FKBP5: variants seen among roughly 807,000 people sequenced by gnomAD.
The protein encoded by FKBP5 is FKBP prolyl isomerase 5, also known as peptidyl-prolyl cis-trans isomerase FKBP5.
In FKBP5, 23 loss-of-function variants were observed where a neutral mutation model predicts 50.5. The ratio of observed to expected loss-of-function variants is 0.46; its 90% confidence interval spans 0.33 to 0.65. The LOEUF (loss-of-function observed/expected upper bound fraction) is 0.65. Ranked by LOEUF, FKBP5 falls within the 30% of genes least tolerant of loss-of-function variation. The pLI, the probability that FKBP5 is intolerant of heterozygous loss-of-function variation, is 0.02. For missense variants in FKBP5, 411 were observed against 553.1 expected, an observed-to-expected ratio of 0.74 and a Z score of 2.58; for synonymous variants, 176 against 190.6, an observed-to-expected ratio of 0.92 and a Z score of 0.63.
chr6:35,586,711 C>A (rs1461158605), intron 8 of FKBP5: 1 of 1,153,576 alleles, frequency 8.7e-7, no homozygotes, highest in Non-Finnish European at 1.1e-6. Context: ...TCCAAAAACA[C>A]TTGTTGAGTG....
chr6:35,617,322 T>C (rs12527893), intron 5 of FKBP5, among the ~76,000 whole-genome samples: 9,795 of 146,204 alleles, frequency 0.067, 465 homozygotes, highest in Admixed American at 0.12. Context: ...AACTCTTTAC[T>C]TTTTTTTTTT....
chr6:35,663,778 A>T (rs1765139963), intron 1 of FKBP5, among the ~76,000 whole-genome samples: 1 of 152,156 alleles, frequency 6.6e-6, no homozygotes, highest in South Asian at 2.1e-4. Context: ...CTGTTACCGG[A>T]AATAAAAGAG....
At chr6:35,710,132 G>C (rs1766388245) in intron 2 of FKBP5, among the ~76,000 whole-genome samples, 1 of 152,152 alleles carries the variant, frequency 6.6e-6, no homozygotes, top group South Asian at 2.1e-4. Flanking sequence ...AGAAAAGGTA[G>C]CAGGGCAGCA....
chr6:35,722,872 C>T (rs570255835), intron 1 of FKBP5, among the ~76,000 whole-genome samples: 2 of 152,348 alleles, frequency 1.3e-5, no homozygotes, highest in South Asian at 2.1e-4. Context: ...AGGAGGGCAG[C>T]GACCAGGTTT....
chr6:35,705,276 T>A lies in FKBP5; in HGVS notation c.-20+15052A>T, dbSNP rs1198399975. On this transcript the variant is annotated intron_variant, in intron 2 of 11. Transcript: ENST00000536438. ...TATATATATTTTTTTTTTTTTTTTT[T>A]TTTTTTTGGAGACAGTGTCTCACTC... 3.4e-4 allele frequency among the ~76,000 whole-genome samples: 6 copies of A among 17,686 alleles called. No individual in the cohort carries two copies. In the African/African-American group the frequency reaches 3.5e-3, roughly 10 times the overall value. 11.6% of individuals were successfully genotyped at this position (17,686 alleles called of 152,430 possible).
At chr6:35,597,883 C>T (rs1304134301) in intron 5 of FKBP5, among the ~76,000 whole-genome samples, 1 of 152,148 alleles carries the variant, frequency 6.6e-6, no homozygotes, top group Non-Finnish European at 1.5e-5. Flanking sequence ...TACAGATGCT[C>T]CTTCTTCTTT....
At chr6:35,699,879 T>A (rs1345948229) in intron 2 of FKBP5, among the ~76,000 whole-genome samples, 1 of 152,078 alleles carries the variant, frequency 6.6e-6, no homozygotes, top group Non-Finnish European at 1.5e-5. Flanking sequence ...AAACCCTATC[T>A]CTACTAAAAA....
intron 1 of FKBP5, among the ~76,000 whole-genome samples, chr6:35,666,690 AC>A (rs937911423): frequency 2.6e-5 from 4 of 152,214 alleles, no homozygotes; most frequent in African/African-American, 9.6e-5. Flanking sequence ...AGAGATCAAG[AC>A]CATCCTGGCC....
intron 5 of FKBP5, among the ~76,000 whole-genome samples, chr6:35,615,334 CCTTTCT>C (rs1763618427): frequency 1.3e-5 from 2 of 152,030 alleles, no homozygotes; most frequent in South Asian, 4.1e-4. Context: ...TTTCTAAATG[CCTTTCT>C]CCAATAAAAG....
chr6:35,658,409 C>G (rs952484529), intron 1 of FKBP5, among the ~76,000 whole-genome samples: 2 of 150,362 alleles, frequency 1.3e-5, no homozygotes, highest in African/African-American at 4.9e-5. Context: ...ACCTCCAGAA[C>G]AATGCTGAAC....
chr6:35,575,874 ACTGT>A lies in FKBP5; in HGVS notation c.1331_1334del (p.Asp444ValfsTer24). On this transcript the variant is annotated frameshift_variant, in exon 11 of 11. Coordinates refer to ENST00000357266, the MANE Select transcript of FKBP5 (RefSeq NM_004117.4). LOFTEE classifies it high-confidence loss of function. ...CAGGTTTCTCTTCTTCCATTGCTTG[ACTGT>A]CTGTTCCTTTTTCATTAGTGACCCC... 4 of 1,613,936 alleles carry A rather than the reference ACTGT, an allele frequency of 2.5e-6. No homozygotes were observed. Among genetic ancestry groups the A allele is most frequent in the Non-Finnish European group, 3.4e-6 (4 of 1,179,920 alleles).
At chr6:35,718,335 G>A (rs1002459905) in intron 2 of FKBP5, among the ~76,000 whole-genome samples, 1 of 152,188 alleles carries the variant, frequency 6.6e-6, no homozygotes, top group African/African-American at 2.4e-5. Flanking sequence ...CCCAGAGAGA[G>A]GAAGTGTTTC....
intron 8 of FKBP5, 187 bp downstream of exon 8, chr6:35,586,847 C>CTTT (rs112376611): frequency 8.1e-6 from 9 of 1,110,804 alleles, no homozygotes; most frequent in East Asian, 3.2e-5. Context: ...GGAATCTGTA[C>CTTT]TTTTTTTTTT....
intron 1 of FKBP5, among the ~76,000 whole-genome samples, chr6:35,673,592 ATTTATG>A (rs1308889260): frequency 2.0e-5 from 3 of 152,108 alleles, no homozygotes; most frequent in African/African-American, 7.2e-5. Context: ...TGAGAATACT[ATTTATG>A]TTTATAATAC....
chr6:35,612,869 A>C (rs950252530), intron 5 of FKBP5, among the ~76,000 whole-genome samples: 1 of 152,228 alleles, frequency 6.6e-6, no homozygotes, highest in African/African-American at 2.4e-5. Context: ...ACAATTCAAG[A>C]CGAGATTTGG....
chr6:35,613,064 C>T (rs1048695009), intron 5 of FKBP5, among the ~76,000 whole-genome samples: 4 of 152,336 alleles, frequency 2.6e-5, no homozygotes, highest in East Asian at 1.9e-4. Context: ...GTCTATCTGT[C>T]CCCTCCTCCA....
chr6:35,609,514 A>C (rs1258679375), intron 5 of FKBP5, among the ~76,000 whole-genome samples: 1 of 152,178 alleles, frequency 6.6e-6, no homozygotes, highest in Non-Finnish European at 1.5e-5. Context: ...ATCTGGGTGA[A>C]AAACCACTCC....
chr6:35,587,765 G>A (rs1159237253), intron 7 of FKBP5, among the ~76,000 whole-genome samples: 2 of 152,128 alleles, frequency 1.3e-5, no homozygotes, highest in African/African-American at 4.8e-5. Flanking sequence ...TGTATTGTGT[G>A]TATTATTACT....
At chr6:35,668,255 C>G (rs1199109665) in intron 1 of FKBP5, among the ~76,000 whole-genome samples, 1 of 152,210 alleles carries the variant, frequency 6.6e-6, no homozygotes, top group Non-Finnish European at 1.5e-5. Flanking sequence ...AGCCCACTCC[C>G]CTTTATGCTG....
Sources: gnomAD v4.1 joint callset for allele counts (sites outside exome capture counted in the v4.1 genomes callset) on GRCh38, gnomAD v4.1.1 for gene constraint, MANE v1.5 for transcripts, NCBI Gene and HGNC (gene_info 2026-07-23, HGNC 2026-07-21) for gene names.